Variants in ZNF148 observed in about 807,000 individuals in gnomAD.
ZNF148 encodes the protein zinc finger protein 148.
In ZNF148, 7 loss-of-function variants were observed where a neutral mutation model predicts 67.7. The observed-to-expected ratio is 0.10, with a 90% CI of 0.06 to 0.19. ZNF148 has a LOEUF of 0.19. Ranked by LOEUF, ZNF148 falls within the 10% of genes least tolerant of loss-of-function variation. ZNF148 has a pLI of 1.00. For missense variants in ZNF148, 583 were observed against 947.1 expected (o/e 0.62, Z 5.05); for synonymous variants, 333 against 330.7 (o/e 1.01, Z -0.08).
At chr3:125,266,649 T>C (rs1336879030) in intron 7 of ZNF148, among the ~76,000 whole-genome samples, 1 of 151,928 alleles carries the variant, frequency 6.6e-6, no homozygotes, top group East Asian at 1.9e-4. Flanking sequence ...TCATGTAACA[T>C]CACACCTAAA....
At chr3:125,256,856 CTGA>C (rs1242439834) in intron 7 of ZNF148, among the ~76,000 whole-genome samples, 1 of 151,992 alleles carries the variant, frequency 6.6e-6, no homozygotes, top group Non-Finnish European at 1.5e-5. Context: ...ATATTTCCTA[CTGA>C]TGTCTTTCAA....
At chr3:125,338,659 C>CAA (rs757727396) in intron 1 of ZNF148, among the ~76,000 whole-genome samples, 15,172 of 51,046 alleles carry the variant, frequency 0.3, 4,572 homozygotes, top group African/African-American at 0.47. Context: ...GACCCTGTCT[C>CAA]AAAAAAAAAA....
At chr3:125,368,540 C>G (rs1942770098) in intron 1 of ZNF148, among the ~76,000 whole-genome samples, 1 of 152,220 alleles carries the variant, frequency 6.6e-6, no homozygotes, top group Non-Finnish European at 1.5e-5. Context: ...TTCATTCACT[C>G]TATTTGATAT....
At chr3:125,368,099 A>C (rs1021183483) in intron 1 of ZNF148, among the ~76,000 whole-genome samples, 2 of 152,222 alleles carry the variant, frequency 1.3e-5, no homozygotes, top group Non-Finnish European at 2.9e-5. Context: ...CATTTCACCA[A>C]ACCTTAGCCA....
chr3:125,240,683 G>A (rs1936309928), intron 7 of ZNF148, among the ~76,000 whole-genome samples: 1 of 151,418 alleles, frequency 6.6e-6, no homozygotes, highest in Admixed American at 6.6e-5. Flanking sequence ...AGGATTACTT[G>A]AGCCTGGGAG....
At chr3:125,289,703 A>G (rs1356258773) in intron 4 of ZNF148, among the ~76,000 whole-genome samples, 1 of 152,218 alleles carries the variant, frequency 6.6e-6, no homozygotes, top group East Asian at 1.9e-4. Context: ...AAAGTAGTAC[A>G]AACATTTCTG....
intron 7 of ZNF148, among the ~76,000 whole-genome samples, chr3:125,268,268 A>T (rs772403703): frequency 1.4e-4 from 21 of 151,576 alleles, no homozygotes; most frequent in Non-Finnish European, 2.5e-4. Flanking sequence ...CAAAAGCCAA[A>T]GCAATCCTAG....
Position 125,232,533 on chromosome 3 carries a change from C to A in ZNF148, c.2193G>T (p.Gln731His), listed in dbSNP as rs1226565472. 1 of 1,613,684 alleles carries A rather than the reference C, an allele frequency of 6.2e-7. No individual in the cohort carries two copies. The change falls in exon 9 of 9, where the codon CAG becomes CAT. Residue 731 changes from glutamine to histidine, a missense_variant. Transcript: ENST00000360647. The surrounding 1 kb of genome is among the most constrained non-coding windows in gnomAD (Gnocchi z 4.2). ...HQAYQMSSFE[Q>H]PFRAPYHGSR... ...ATCCATGATAGGGAGCACGGAAGGG[C>A]TGTTCAAAGGAGCTCATTTGGTAAG... is the stretch of plus-strand genomic sequence containing the variant.
At chr3:125,336,628 C>A (rs1050696929) in intron 1 of ZNF148, among the ~76,000 whole-genome samples, 1 of 150,402 alleles carries the variant, frequency 6.6e-6, no homozygotes, top group Non-Finnish European at 1.5e-5. Context: ...CCATATCTAT[C>A]CCAAGGATAA....
intron 1 of ZNF148, among the ~76,000 whole-genome samples, chr3:125,367,029 A>AG: frequency 6.6e-6 from 1 of 152,230 alleles, no homozygotes; most frequent in Non-Finnish European, 1.5e-5. Context: ...GCACAAGTCC[A>AG]GCTGCCCTAC....
At chr3:125,276,436 T>A (rs549573803) in intron 7 of ZNF148, among the ~76,000 whole-genome samples, 59 of 148,694 alleles carry the variant, frequency 4.0e-4, no homozygotes, top group Admixed American at 9.3e-4. Flanking sequence ...TTATTTATTT[T>A]ATTTATTTAT....
chr3:125,297,625 T>C (rs148282434), intron 4 of ZNF148, among the ~76,000 whole-genome samples: 2,066 of 151,358 alleles, frequency 0.014, 32 homozygotes, highest in Non-Finnish European at 0.022. Context: ...AAATAATATT[T>C]AAATTGTCAA....
At chr3:125,237,441 G>A (rs933991893) in intron 7 of ZNF148, among the ~76,000 whole-genome samples, 1 of 152,026 alleles carries the variant, frequency 6.6e-6, no homozygotes, top group Non-Finnish European at 1.5e-5. Context: ...ATTTAGCCAT[G>A]TGTGATGGTG....
chr3:125,372,049 G>A (rs932088728), intron 1 of ZNF148, among the ~76,000 whole-genome samples: 2 of 132,198 alleles, frequency 1.5e-5, no homozygotes, highest in East Asian at 2.0e-4. Context: ...GGGTGACAGA[G>A]CGAGACTCCG....
At chr3:125,322,405 T>C (rs979550700) in intron 3 of ZNF148, among the ~76,000 whole-genome samples, 2 of 152,050 alleles carry the variant, frequency 1.3e-5, no homozygotes, top group African/African-American at 2.4e-5. Flanking sequence ...CTCCTTCTTA[T>C]GCAGTAATAA....
At chr3:125,296,954 G>GA (rs1044961008) in intron 4 of ZNF148, among the ~76,000 whole-genome samples, 159 of 147,670 alleles carry the variant, frequency 1.1e-3, no homozygotes, top group African/African-American at 2.6e-3. Flanking sequence ...TACCTACATA[G>GA]AAAAAAAAAC....
rs77543181 is a variant in ZNF148, at chr3:125,237,226, G to C, written c.668-2897C>G. On this transcript the variant is annotated intron_variant, in intron 7 of 8. Coordinates refer to ENST00000360647, the MANE Select transcript of ZNF148 (RefSeq NM_021964.3). ...AATCCAGAGGAACCAAGATGGGAAGGGAAGGAGATTACAGGCAATGTTGTT... is the reference window on the plus strand; with the variant it reads ...AATCCAGAGGAACCAAGATGGGAAGCGAAGGAGATTACAGGCAATGTTGTT... Among the ~76,000 whole-genome samples, 821 of 152,246 alleles carry C rather than the reference G, an allele frequency of 5.4e-3. 7 individuals carry two copies. Among genetic ancestry groups the C allele is most frequent in the African/African-American group, 0.019 (775 of 41,524 alleles).
At chr3:125,259,622 T>C (rs1937246221) in intron 7 of ZNF148, among the ~76,000 whole-genome samples, 1 of 152,192 alleles carries the variant, frequency 6.6e-6, no homozygotes, top group East Asian at 1.9e-4. Flanking sequence ...AAGTGTAAAA[T>C]AGCATTACGT....
intron 7 of ZNF148, among the ~76,000 whole-genome samples, chr3:125,238,603 G>A (rs1436295345): frequency 6.6e-6 from 1 of 152,146 alleles, no homozygotes; most frequent in Non-Finnish European, 1.5e-5. Flanking sequence ...ACTCTAGTCT[G>A]GGCGACAGAA....
Sources: allele counts gnomAD v4.1 joint callset (sites outside exome capture counted in the v4.1 genomes callset), GRCh38; gene constraint gnomAD v4.1.1; non-coding constraint Gnocchi (gnomAD v3.1); transcripts MANE v1.5; gene names NCBI Gene and HGNC (gene_info 2026-07-23, HGNC 2026-07-21).